Variants in SYCP2L observed in about 807,000 individuals in gnomAD.
SYCP2L encodes synaptonemal complex protein 2-like.
SYCP2L carries 98 observed loss-of-function variants against 125.8 expected under a neutral mutation model. The ratio of observed to expected loss-of-function variants is 0.78; its 90% CI spans 0.66 to 0.92. SYCP2L has a LOEUF of 0.92. SYCP2L is among the 40% of genes least tolerant of loss of function. The pLI is 0.00. For synonymous variants in SYCP2L, 317 were observed against 325.4 expected (o/e 0.97, Z 0.28); for missense variants, 842 against 936.4 (o/e 0.90, Z 1.32).
At chr6:10,947,079 C>CTAA (rs984067456) in intron 23 of SYCP2L, among the ~76,000 whole-genome samples, 1 of 151,918 alleles carries the variant, frequency 6.6e-6, no homozygotes, top group Non-Finnish European at 1.5e-5. Flanking sequence ...TCACCAGTAT[C>CTAA]TAATACTGGA....
Position 10,942,525 on chromosome 6 carries a change from C to T in SYCP2L, c.1880C>T (p.Pro627Leu), listed in dbSNP as rs1013133709. The T allele has an allele frequency of 5.0e-6, 8 of 1,602,938 alleles. No individual in the cohort carries two copies. Among genetic ancestry groups the T allele is most frequent in the African/African-American group, 4.0e-5 (3 of 74,304 alleles). The change falls in exon 22 of 30, where the codon CCT becomes CTT. Residue 627 changes from proline (P) to leucine (L), a missense_variant. Coordinates refer to ENST00000283141, the MANE Select transcript of SYCP2L (RefSeq NM_001040274.3). ...AAGCACTCAGAAGATGAAGAAAAAC[C>T]TAAGGTACTATTTAATTGTTGGTTA... Reference protein sequence around the residue: ...SLKHSEDEEKPKIVNQESLTE... With the variant: ...SLKHSEDEEKLKIVNQESLTE...
chr6:10,920,796 A>T (rs1035041935), intron 14 of SYCP2L, among the ~76,000 whole-genome samples: 1 of 151,274 alleles, frequency 6.6e-6, no homozygotes, highest in African/African-American at 2.4e-5. Context: ...AGAGTGCCTC[A>T]TGGAAAGAAG....
intron 23 of SYCP2L, among the ~76,000 whole-genome samples, chr6:10,952,487 T>C (rs1212683690): frequency 2.6e-5 from 4 of 151,950 alleles, no homozygotes; most frequent in Non-Finnish European, 5.9e-5. Flanking sequence ...CTAGTGTCTG[T>C]GCTGACAGAT....
intron 14 of SYCP2L, among the ~76,000 whole-genome samples, chr6:10,917,623 A>G (rs886585469): frequency 1.3e-5 from 2 of 152,204 alleles, no homozygotes; most frequent in African/African-American, 4.8e-5. Flanking sequence ...TAAGTGGAGC[A>G]TTTAGGCCAT....
intron 14 of SYCP2L, among the ~76,000 whole-genome samples, chr6:10,920,959 C>CG (rs1780789656): frequency 6.6e-6 from 1 of 151,990 alleles, no homozygotes; most frequent in East Asian, 1.9e-4. Context: ...TTACATGTGC[C>CG]ATAGTGGTTT....
At chr6:10,917,824 T>C (rs1176783053) in intron 14 of SYCP2L, among the ~76,000 whole-genome samples, 1 of 152,206 alleles carries the variant, frequency 6.6e-6, no homozygotes, top group African/African-American at 2.4e-5. Context: ...TTAGCAGTTC[T>C]TGTAGTGGTG....
At chr6:10,941,652 G>T (rs1335439400) in intron 21 of SYCP2L, among the ~76,000 whole-genome samples, 1 of 152,210 alleles carries the variant, frequency 6.6e-6, no homozygotes, top group Non-Finnish European at 1.5e-5. Flanking sequence ...GGAAACAACA[G>T]ATGCTGGAGA....
At chr6:10,923,288 C>T (rs1033703702) in intron 14 of SYCP2L, among the ~76,000 whole-genome samples, 1 of 151,772 alleles carries the variant, frequency 6.6e-6, no homozygotes, top group South Asian at 2.1e-4. Context: ...TTGGTCTAAG[C>T]CATTTTCTCT....
At chr6:10,903,006 ATC>A (rs1164523527) in intron 8 of SYCP2L, 43 bp downstream of exon 8, 1 of 1,511,328 alleles carries the variant, frequency 6.6e-7, no homozygotes, top group Admixed American at 1.7e-5. Context: ...TAAGGGTAAA[ATC>A]TCTCATGAGT....
chr6:10,907,892 G>GTTTTTTTTTTTGTTTTTTTTTTT (rs1554105094), intron 10 of SYCP2L, among the ~76,000 whole-genome samples: 1 of 91,922 alleles, frequency 1.1e-5, no homozygotes, highest in African/African-American at 4.1e-5. Context: ...ATACAGATAG[G>GTTTTTTTTTTTGTTTTTTTTTTT]TTTTTTTTTT....
At chr6:10,952,368 C>T (rs1041538385) in intron 23 of SYCP2L, among the ~76,000 whole-genome samples, 2 of 152,092 alleles carry the variant, frequency 1.3e-5, no homozygotes, top group Non-Finnish European at 2.9e-5. Context: ...TGAAGCCATC[C>T]AACTGGATGA....
chr6:10,929,068 C>A (rs1581830775), intron 18 of SYCP2L, among the ~76,000 whole-genome samples: 1 of 151,964 alleles, frequency 6.6e-6, no homozygotes, highest in Non-Finnish European at 1.5e-5. Flanking sequence ...ATTTTTGTAT[C>A]TTTAGTAGAG....
In SYCP2L at chr6:10,971,877, T is replaced by A. The variant is rs532894361; in HGVS notation, c.*38-2075T>A. Among the ~76,000 whole-genome samples, 3 of 152,262 alleles carry A rather than the reference T, an allele frequency of 2.0e-5. No homozygotes were observed. The South Asian group carries it at 6.2e-4, about 32-fold the overall frequency. On this transcript the variant is annotated intron_variant, in intron 29 of 29. Transcript: ENST00000283141. ...TTTTAGTAGACAGAGTGTGTCGCCA[T>A]GTTGGCCAGGCTGGTCTTGAACTAC...
chr6:10,951,287 A>T (rs1439536379), intron 23 of SYCP2L, among the ~76,000 whole-genome samples: 2 of 152,092 alleles, frequency 1.3e-5, no homozygotes, highest in Non-Finnish European at 1.5e-5. Context: ...TTAGCCAGGC[A>T]TGGTGGCGTG....
At chr6:10,910,719 A>G in intron 11 of SYCP2L, 105 bp from the exon 12 acceptor site, 3 of 1,189,874 alleles carry the variant, frequency 2.5e-6, no homozygotes, top group South Asian at 1.2e-5. Context: ...CTGTACGAGG[A>G]GACTTAATGG....
chr6:10,963,113 T>G (rs192059904), intron 28 of SYCP2L, among the ~76,000 whole-genome samples: 7 of 152,356 alleles, frequency 4.6e-5, no homozygotes, highest in Admixed American at 4.6e-4. Context: ...CACTTTAAGA[T>G]GTTAATTACT....
chr6:10,912,546 G>T lies in SYCP2L; in HGVS notation c.919-127G>T. ...TGCACAAAAGAGTCAGTCAATAGAGGCCCTATAATGCTAGGATAATGCTGT... is the reference window on the plus strand; with the variant it reads ...TGCACAAAAGAGTCAGTCAATAGAGTCCCTATAATGCTAGGATAATGCTGT... On this transcript the variant is annotated intron_variant, in intron 12 of 29. Coordinates refer to ENST00000283141, the MANE Select transcript of SYCP2L (RefSeq NM_001040274.3). The surrounding 1 kb of genome is among the most constrained non-coding windows in gnomAD (Gnocchi z 4.1). 1.5e-6 allele frequency: 1 copy of T among 647,534 alleles called. No homozygotes were observed. The highest frequency in any genetic ancestry group is 2.6e-6 in the Non-Finnish European group (1 of 380,282). 40.1% of individuals were successfully genotyped at this position (647,534 alleles called of 1,614,324 possible).
chr6:10,942,360 T>A (rs768188228), intron 21 of SYCP2L, 99 bp from the exon 22 acceptor site: 13 of 747,748 alleles, frequency 1.7e-5, no homozygotes, highest in Non-Finnish European at 2.5e-5. Context: ...ACTGTGTTCC[T>A]TTTTTTTGAT....
At chr6:10,904,671 A>T (rs1010427522) in intron 8 of SYCP2L, among the ~76,000 whole-genome samples, 4 of 152,190 alleles carry the variant, frequency 2.6e-5, no homozygotes, top group African/African-American at 4.8e-5. Flanking sequence ...TCTGGACTTC[A>T]AAGGTAAAAC....
Sources: gnomAD v4.1 joint callset for allele counts (sites outside exome capture counted in the v4.1 genomes callset) on GRCh38, gnomAD v4.1.1 for gene constraint, Gnocchi (gnomAD v3.1) non-coding constraint, MANE v1.5 for transcripts, NCBI Gene and HGNC (gene_info 2026-07-23, HGNC 2026-07-21) for gene names.